Variants in RAB23 observed in about 807,000 individuals in gnomAD.
RAB23 encodes the protein RAB23, member RAS oncogene family.
Under a neutral mutation model 30.0 loss-of-function variants are expected in RAB23, and 15 were observed. That is an observed-to-expected ratio of 0.50 (90% CI 0.33 to 0.77). The LOEUF is 0.77. RAB23 is among the 30% of genes least tolerant of loss of function. The pLI is 0.02. For missense variants in RAB23, 243 were observed against 275.4 expected (o/e 0.88, Z 0.83); for synonymous variants, 93 against 94.0 (o/e 0.99, Z 0.06).
intron 1 of RAB23, among the ~76,000 whole-genome samples, chr6:57,213,309 G>A (rs1765720746): frequency 6.6e-6 from 1 of 152,174 alleles, no homozygotes; most frequent in Non-Finnish European, 1.5e-5. Flanking sequence ...CGGCCTGGGA[G>A]TTGGGGACCC....
At chr6:57,208,982 C>A (rs2128003612) in intron 2 of RAB23, among the ~76,000 whole-genome samples, 1 of 152,218 alleles carries the variant, frequency 6.6e-6, no homozygotes, top group East Asian at 1.9e-4. Flanking sequence ...GCTTATCTAA[C>A]ATATTTATTT....
In RAB23 at chr6:57,196,470, C is replaced by T. The variant is rs750398740; in HGVS notation, c.378G>A (p.Leu126=). The T allele has an allele frequency of 3.1e-6, 5 of 1,613,888 alleles. No homozygotes were observed. The South Asian group carries it at 4.4e-5, about 14-fold the overall frequency. The stretch of plus-strand genomic sequence containing the variant: ...CTTACTTCTTTATACAAGAATCATC[C>T]AGAAGATCAATCTTGTTTTGCACAA... ...TVLVQNKIDL[L]DDSCIKNEEA... The change falls in exon 4 of 7, where the codon CTG becomes CTA. Residue 126 remains leucine (L), a synonymous_variant. Coordinates refer to ENST00000468148, the MANE Select transcript of RAB23 (RefSeq NM_016277.5).
intron 4 of RAB23, among the ~76,000 whole-genome samples, chr6:57,195,986 A>G (rs1765009448): frequency 1.3e-5 from 2 of 152,256 alleles, no homozygotes; most frequent in South Asian, 4.1e-4. Flanking sequence ...GTAAATATTT[A>G]TGAACAGAAA....
At chr6:57,204,800 G>C (rs576430330) in intron 3 of RAB23, among the ~76,000 whole-genome samples, 2 of 152,198 alleles carry the variant, frequency 1.3e-5, no homozygotes, top group South Asian at 2.1e-4. Flanking sequence ...TAGAACAACA[G>C]AGACACTTAA....
At position 57,193,814 on chromosome 6, in the gene RAB23, C is replaced by T. The variant is rs45459199; in HGVS notation, c.574+28G>A. 9.0e-3 allele frequency: 14,407 copies of T among 1,609,212 alleles called. 132 individuals carry two copies. The highest frequency in any genetic ancestry group is 9.2e-3 in the Non-Finnish European group (10,819 of 1,177,762). On this transcript the variant is annotated intron_variant, in intron 6 of 6. Transcript: ENST00000468148. Reference sequence around the variant, plus strand: ...GTGTTTTTTAACTTTACCAAGTAAACATGGGCTAAAATTTCCTATGTACTT... The same window carrying T: ...GTGTTTTTTAACTTTACCAAGTAAATATGGGCTAAAATTTCCTATGTACTT...
Position 57,210,233 on chromosome 6 carries a change from G to T in RAB23, c.148C>A (p.Gln50Lys). The T allele has an allele frequency of 6.2e-7, 1 of 1,613,910 alleles. No individual in the cohort carries two copies. The highest frequency in any genetic ancestry group is 8.5e-7 in the Non-Finnish European group (1 of 1,179,830). Residue 50 changes from glutamine to lysine, a missense_variant, in exon 2 of 7, where the codon CAA (glutamine) becomes AAA (lysine). By Grantham distance (53) the Gln-to-Lys change is moderately conservative (BLOSUM62 1). Coordinates refer to ENST00000468148, the MANE Select transcript of RAB23 (RefSeq NM_016277.5). ...AAATGGCCAAGTACTTACTGAATTT[G>T]TCGCTCCAAAAAATCAACTCCAATG... ...KTIGVDFLER[Q>K]IQVNDEDVRL...
At chr6:57,194,092 G>T (rs915992511) in intron 5 of RAB23, among the ~76,000 whole-genome samples, 158 bp from the exon 6 acceptor site, 1 of 151,928 alleles carries the variant, frequency 6.6e-6, no homozygotes, top group Non-Finnish European at 1.5e-5. Context: ...AAAATTATTT[G>T]GGCAGTATCT....
intron 3 of RAB23, among the ~76,000 whole-genome samples, chr6:57,200,374 T>C (rs1400355455): frequency 2.6e-5 from 4 of 151,090 alleles, no homozygotes; most frequent in Non-Finnish European, 5.9e-5. Context: ...TTGTCTCTAC[T>C]AAAAATACAA....
chr6:57,194,618 C>G lies in RAB23; in HGVS notation c.481+152G>C, dbSNP rs1048768642. The G allele has an allele frequency of 1.0e-4, 63 of 608,928 alleles. 1 individual carries two copies. In the South Asian group the frequency reaches 1.3e-3, roughly 12 times the overall value. The allele number at this position is 608,928 out of a possible 1,614,324, so 37.7% of individuals were successfully genotyped here. A position where few individuals can be genotyped will look rare whatever the true frequency, so the allele number is the denominator to read the frequency against. On this transcript the variant is annotated intron_variant, in intron 5 of 6. Transcript: ENST00000468148. ...GCATTAGTAAATAATTAAGCACTAA[C>G]AAAAAGAAGTAGAAAGCCTTTAAAT...
chr6:57,187,812 C>T lies in RAB23; in HGVS notation c.*2649G>A, dbSNP rs1764664629. The T allele has an allele frequency of 6.6e-6, 1 of 152,074 alleles. No individual in the cohort carries two copies. The highest frequency in any genetic ancestry group is 2.4e-5 in the African/African-American group (1 of 41,408). The allele number at this position is 152,074 out of a possible 1,614,324, so 9.4% of individuals were successfully genotyped here. A position where few individuals can be genotyped will look rare whatever the true frequency, so the allele number is the denominator to read the frequency against. On this transcript the variant is annotated 3_prime_UTR_variant, in exon 7 of 7. Transcript: ENST00000468148. Reference sequence around the variant, plus strand: ...TAAAGCAACCACCTAGAACTTCACTCCATAATGAGGAAAAAGTTTTCATCC... The same window carrying T: ...TAAAGCAACCACCTAGAACTTCACTTCATAATGAGGAAAAAGTTTTCATCC...
chr6:57,206,103 G>A (rs1035900970), intron 3 of RAB23, among the ~76,000 whole-genome samples: 1 of 152,148 alleles, frequency 6.6e-6, no homozygotes, highest in Non-Finnish European at 1.5e-5. Flanking sequence ...TCAGGTGCTC[G>A]GATGCAGATT....
chr6:57,219,650 T>A (rs1765981954), intron 1 of RAB23, among the ~76,000 whole-genome samples: 1 of 152,068 alleles, frequency 6.6e-6, no homozygotes. Flanking sequence ...AGGCCCAAAA[T>A]AGACCCTCAC....
At chr6:57,215,077 C>T (rs1260423312) in intron 1 of RAB23, among the ~76,000 whole-genome samples, 4 of 151,966 alleles carry the variant, frequency 2.6e-5, no homozygotes, top group Admixed American at 6.5e-5. Context: ...ATAGAGAGGA[C>T]GGAGGAAAGA....
chr6:57,221,731 G>C lies in RAB23; in HGVS notation c.-71C>G, dbSNP rs1678949178. 1 of 152,282 alleles carries C rather than the reference G, an allele frequency of 6.6e-6. No individual in the cohort carries two copies. The highest frequency in any genetic ancestry group is 1.5e-5 in the Non-Finnish European group (1 of 68,094). The allele number at this position is 152,282 out of a possible 1,614,324, so 9.4% of individuals were successfully genotyped here. On this transcript the variant is annotated 5_prime_UTR_variant, in exon 1 of 7. Coordinates refer to ENST00000468148, the MANE Select transcript of RAB23 (RefSeq NM_016277.5). ...AGGCAATTCCAGGTACCCACCGCTG[G>C]GAGCTGGGAGGGGGCGCCGGGCTGG...
rs62415932 is a variant in RAB23, at chr6:57,215,091, A to C, written c.-65-4646T>G. Among the ~76,000 whole-genome samples, 82 of 152,350 alleles carry C rather than the reference A, an allele frequency of 5.4e-4. 1 individual carries two copies. In the South Asian group the frequency reaches 0.013, roughly 24 times the overall value. ...AATAGAGAGGACGGAGGAAAGAATT[A>C]GTGAACTTGAACATACAATCTGAGC... On this transcript the variant is annotated intron_variant, in intron 1 of 6. Transcript: ENST00000468148.
intron 3 of RAB23, among the ~76,000 whole-genome samples, chr6:57,205,027 T>C (rs909158500): frequency 5.3e-5 from 8 of 151,408 alleles, no homozygotes; most frequent in African/African-American, 1.9e-4. Context: ...CATACATATA[T>C]GTATATGTGT....
intron 1 of RAB23, among the ~76,000 whole-genome samples, chr6:57,215,545 C>T (rs2128006793): frequency 6.6e-6 from 1 of 152,164 alleles, no homozygotes; most frequent in East Asian, 1.9e-4. Flanking sequence ...ATATATCCAA[C>T]AAAAATATCC....
chr6:57,208,084 G>A, intron 2 of RAB23, among the ~76,000 whole-genome samples: 1 of 152,164 alleles, frequency 6.6e-6, no homozygotes, highest in Non-Finnish European at 1.5e-5. Flanking sequence ...TACACTGTCA[G>A]TTTCACCCTG....
chr6:57,212,718 CAAAAA>C (rs35931979), intron 1 of RAB23, among the ~76,000 whole-genome samples: 2 of 89,250 alleles, frequency 2.2e-5, no homozygotes. Flanking sequence ...CTGTCTCTAC[CAAAAA>C]AAAAAAAAAA....
Sources: allele counts gnomAD v4.1 joint callset (sites outside exome capture counted in the v4.1 genomes callset), GRCh38; gene constraint gnomAD v4.1.1; transcripts MANE v1.5; gene names NCBI Gene and HGNC (gene_info 2026-07-23, HGNC 2026-07-21).